The following CHAF1A variants were observed in gnomAD, a reference collection of about 807,000 sequenced individuals.
CHAF1A encodes CAF-1 subunit A.
CHAF1A carries 5 observed loss-of-function variants against 93.2 expected under a neutral mutation model. That is an observed-to-expected ratio of 0.05 (90% CI 0.03 to 0.11). The LOEUF (loss-of-function observed/expected upper bound fraction) is 0.11. Ranked by LOEUF, CHAF1A falls within the 10% of genes least tolerant of loss-of-function variation. The pLI is 1.00. For synonymous variants in CHAF1A, 504 were observed against 510.3 expected (o/e 0.99, Z 0.17); for missense variants, 1,102 against 1,259.9 (o/e 0.87, Z 1.90).
At chr19:4,442,190 G>C in intron 13 of CHAF1A, 55 bp from the exon 14 acceptor site, 1 of 1,465,302 alleles carries the variant, frequency 6.8e-7, no homozygotes, top group South Asian at 1.1e-5. Flanking sequence ...TACCGCACTG[G>C]CACCAGGGTG....
At chr19:4,427,733 G>T (rs563650532) in intron 7 of CHAF1A, among the ~76,000 whole-genome samples, 243 of 152,318 alleles carry the variant, frequency 1.6e-3, no homozygotes, top group African/African-American at 5.7e-3. Flanking sequence ...GACTACAGGT[G>T]CATGCCACCG....
chr19:4,416,080 A>G (rs1281783210), intron 3 of CHAF1A, among the ~76,000 whole-genome samples: 1 of 152,190 alleles, frequency 6.6e-6, no homozygotes, highest in East Asian at 1.9e-4. Context: ...AGACTGAGGC[A>G]GGAGAATCGC....
At chr19:4,442,454 G>T in intron 14 of CHAF1A, 113 bp downstream of exon 14, 1 of 913,622 alleles carries the variant, frequency 1.1e-6, no homozygotes, top group South Asian at 1.6e-5. Flanking sequence ...GCAGCCAGGA[G>T]GGCTTGCAGC....
downstream of CHAF1A, chr19:4,448,278 G>A: frequency 6.5e-7 from 1 of 1,540,502 alleles, no homozygotes; most frequent in South Asian, 1.2e-5. Flanking sequence ...GCTGGGATGA[G>A]CTGGAGGGGC....
At chr19:4,419,530 A>G (rs890974535) in intron 4 of CHAF1A, among the ~76,000 whole-genome samples, 2 of 151,904 alleles carry the variant, frequency 1.3e-5, no homozygotes, top group Non-Finnish European at 2.9e-5. Flanking sequence ...CCCGGGTTCA[A>G]GCGATTCTCC....
chr19:4,420,465 A>G (rs911691564), intron 4 of CHAF1A, among the ~76,000 whole-genome samples: 1 of 151,480 alleles, frequency 6.6e-6, no homozygotes, highest in Admixed American at 6.6e-5. Flanking sequence ...CTGGTCTCGA[A>G]CTCCTGACCT....
At chr19:4,430,242 AT>A (rs1276558150) in intron 10 of CHAF1A, 7 of 362,090 alleles carry the variant, frequency 1.9e-5, no homozygotes, top group African/African-American at 1.0e-4. Flanking sequence ...CAGTGGCGCG[AT>A]TTCGGCTCAC....
chr19:4,445,711 G>A, downstream of CHAF1A: 1 of 1,546,308 alleles, frequency 6.5e-7, no homozygotes, highest in Non-Finnish European at 8.7e-7. Context: ...GCGCGGGGAT[G>A]CCCCGGCCTG....
downstream of CHAF1A, chr19:4,448,267 T>TGCTGGGATGAGCTGGAGGGGC (rs752069457): frequency 2.0e-6 from 3 of 1,491,416 alleles, no homozygotes; most frequent in African/African-American, 1.4e-5. Flanking sequence ...GTGGGAGGGG[T>TGCTGGGATGAGCTGGAGGGGC]GCTGGGATGA....
In CHAF1A at chr19:4,428,858, C is replaced by T. The variant is rs1432455117; in HGVS notation, c.1572C>T (p.His524=). Residue 524 remains histidine (H), a synonymous_variant, in exon 8 of 15, where the codon CAC becomes CAT. Coordinates refer to ENST00000301280, the MANE Select transcript of CHAF1A (RefSeq NM_005483.3). ...GRQPLRSGPT[H]VSTRNADIFN... ...AGCCCCTGAGGTCCGGACCCACGCA[C>T]GTTTCCACCCGGAATGCAGATATTT... 5.6e-6 allele frequency: 9 copies of T among 1,613,800 alleles called. No homozygotes were observed. Among genetic ancestry groups the T allele is most frequent in the Middle Eastern group, 1.6e-4 (1 of 6,062 alleles).
intron 3 of CHAF1A, among the ~76,000 whole-genome samples, 166 bp downstream of exon 3, chr19:4,409,925 C>T (rs1370735631): frequency 6.6e-6 from 1 of 152,188 alleles, no homozygotes; most frequent in African/African-American, 2.4e-5. Context: ...TCACAGTGTT[C>T]AGTTCTGCAT....
At chr19:4,403,100 G>A (rs1241461007) in intron 1 of CHAF1A, among the ~76,000 whole-genome samples, 5 of 152,208 alleles carry the variant, frequency 3.3e-5, no homozygotes, top group Non-Finnish European at 7.3e-5. Context: ...GGCCGAGAGG[G>A]GAAACTGAGG....
intron 3 of CHAF1A, among the ~76,000 whole-genome samples, chr19:4,415,470 A>G (rs572261910): frequency 6.6e-6 from 1 of 152,318 alleles, no homozygotes; most frequent in South Asian, 2.1e-4. Context: ...CCCCAAGACC[A>G]CATTCCGTAT....
rs1319936157 is a variant in CHAF1A at position 4,442,933 on chromosome 19, G to C, written c.2779G>C (p.Ala927Pro). 1 of 1,594,170 alleles carries C rather than the reference G, an allele frequency of 6.3e-7. No homozygotes were observed. The highest frequency in any genetic ancestry group is 1.7e-5 in the Admixed American group (1 of 57,674). ...CCTCTCTTGCCCTGCAGAGGTCCAA[G>C]CCCCGTGTGGAGCCGCTTCCGGAGC... is the stretch of plus-strand genomic sequence containing the variant. Reference protein sequence around the residue: ...VDVPDAAEVQAPCGAASGAGG... With the variant: ...VDVPDAAEVQPPCGAASGAGG... Residue 927 changes from alanine (A) to proline (P), a missense_variant, in exon 15 of 15, where the codon GCC (alanine) becomes CCC (proline). By Grantham distance (27) the Ala-to-Pro change is conservative. Coordinates refer to ENST00000301280, the MANE Select transcript of CHAF1A (RefSeq NM_005483.3).
rs1974431837 is a variant in CHAF1A at position 4,443,286 on chromosome 19, C to T, written c.*261C>T. 2 of 458,170 alleles carry T rather than the reference C, an allele frequency of 4.4e-6. No homozygotes were observed. The highest frequency in any genetic ancestry group is 4.4e-5 in the East Asian group (1 of 22,938). 28.4% of individuals were successfully genotyped at this position (458,170 alleles called of 1,614,324 possible). On this transcript the variant is annotated 3_prime_UTR_variant, in exon 15 of 15. Coordinates refer to ENST00000301280, the MANE Select transcript of CHAF1A (RefSeq NM_005483.3). ...GGAAGCCTGCGGGCACAGGAGCAGG[C>T]GTGGAATCCAATACTTGTAAATGAA...
In CHAF1A at chr19:4,409,262, G is replaced by A. The variant is rs1973744256; in HGVS notation, c.463G>A (p.Gly155Arg). Residue 155 changes from glycine to arginine, a missense_variant, in exon 3 of 15, where the codon GGG becomes AGG. Physicochemically the swap from Gly to Arg is moderately radical, Grantham distance 125. This residue lies in a region of CHAF1A where 379 missense variants were observed against 365.7 expected (regional missense o/e 1.04). Transcript: ENST00000301280. ...EAINGQREDT[G>R]DQQGLLKAIQ... ...AATAAATGGCCAGCGAGAAGACACT[G>A]GGGATCAGCAGGGGTTGTTGAAGGC... The A allele has an allele frequency of 6.2e-7, 1 of 1,614,028 alleles. No individual in the cohort carries two copies. Among genetic ancestry groups the A allele is most frequent in the African/African-American group, 1.3e-5 (1 of 74,904 alleles).
At chr19:4,426,459 T>G (rs144165842) in intron 7 of CHAF1A, among the ~76,000 whole-genome samples, 2,548 of 145,742 alleles carry the variant, frequency 0.017, 34 homozygotes, top group South Asian at 0.058. Context: ...TGAGCCACCG[T>G]GCCCGGCCTT....
At chr19:4,436,265 T>A (rs1974282079) in intron 13 of CHAF1A, among the ~76,000 whole-genome samples, 1 of 152,144 alleles carries the variant, frequency 6.6e-6, no homozygotes, top group Non-Finnish European at 1.5e-5. Context: ...ATGCTGTGAA[T>A]CTCCCTCAGC....
downstream of CHAF1A, chr19:4,446,717 C>T (rs2145170326): frequency 3.1e-6 from 5 of 1,608,454 alleles, no homozygotes; most frequent in Non-Finnish European, 3.4e-6. Context: ...TCCTCGGGGT[C>T]CTCTACAGCG....
Sources: allele counts gnomAD v4.1 joint callset (sites outside exome capture counted in the v4.1 genomes callset), GRCh38; gene constraint gnomAD v4.1.1; regional missense constraint gnomAD v4.1.1; transcripts MANE v1.5; gene names NCBI Gene and HGNC (gene_info 2026-07-23, HGNC 2026-07-21).